Variants in ADAMTS19 observed in about 807,000 individuals in gnomAD.
ADAMTS19 encodes ADAM metallopeptidase with thrombospondin type 1 motif 19, also known as A disintegrin and metalloproteinase with thrombospondin motifs 19.
ADAMTS19 carries 93 observed loss-of-function variants against 153.3 expected under a neutral mutation model. That is an observed-to-expected ratio of 0.61 (90% confidence interval 0.51 to 0.72). ADAMTS19 has a LOEUF of 0.72. Among genes scored for constraint, ADAMTS19 ranks in the 30% least tolerant of loss-of-function variants. The pLI, the probability that ADAMTS19 is intolerant of heterozygous loss-of-function variation, is 0.00. For missense variants in ADAMTS19, 1,482 were observed against 1,552.1 expected, an observed-to-expected ratio of 0.95 and a Z score of 0.76; for synonymous variants, 600 against 556.6, an observed-to-expected ratio of 1.08 and a Z score of -1.10.
At chr5:129,639,943 G>C (rs373708418) in intron 10 of ADAMTS19, among the ~76,000 whole-genome samples, 9 of 152,090 alleles carry the variant, frequency 5.9e-5, no homozygotes, top group African/African-American at 1.4e-4. Context: ...AAAAACAATT[G>C]AACTCTTTGC....
chr5:129,513,548 C>A (rs1751504352), intron 3 of ADAMTS19, among the ~76,000 whole-genome samples: 1 of 151,834 alleles, frequency 6.6e-6, no homozygotes, highest in African/African-American at 2.4e-5. Flanking sequence ...TACCATGTGC[C>A]AGTTCATGTA....
intron 7 of ADAMTS19, among the ~76,000 whole-genome samples, chr5:129,594,915 A>C (rs1418914928): frequency 6.6e-6 from 1 of 152,110 alleles, no homozygotes; most frequent in Non-Finnish European, 1.5e-5. Flanking sequence ...AACTGGGCTT[A>C]TCATCTGTCT....
At chr5:129,485,227 A>G (rs114843902) in intron 2 of ADAMTS19, among the ~76,000 whole-genome samples, 5,997 of 152,276 alleles carry the variant, frequency 0.039, 160 homozygotes, top group Middle Eastern at 0.068. Context: ...AAATTTAGAA[A>G]TAAAACAATG....
At chr5:129,671,185 C>T (rs1027524652) in intron 16 of ADAMTS19, among the ~76,000 whole-genome samples, 3 of 152,006 alleles carry the variant, frequency 2.0e-5, no homozygotes, top group African/African-American at 2.4e-5. Flanking sequence ...GGAAAGAGAC[C>T]GGCTGCATAA....
At position 129,737,319 on chromosome 5, in the gene ADAMTS19, A is replaced by AT; in HGVS notation, c.*101_*102insT. 1 of 1,173,098 alleles carries AT rather than the reference A, an allele frequency of 8.5e-7. No individual in the cohort carries two copies. Among genetic ancestry groups the AT allele is most frequent in the Non-Finnish European group, 1.1e-6 (1 of 900,842 alleles). 72.7% of individuals were successfully genotyped at this position (1,173,098 alleles called of 1,614,324 possible). A position where few individuals can be genotyped will look rare whatever the true frequency, so the allele number is the denominator to read the frequency against. The stretch of plus-strand genomic sequence containing the variant: ...GACCAAATATTATCAGATTACATAT[A>AT]ATTTAATCAAATTAATTTATTTTTT... On this transcript the variant is annotated 3_prime_UTR_variant, in exon 23 of 23. Transcript: ENST00000274487.
chr5:129,552,364 A>G (rs1306412449), intron 7 of ADAMTS19, among the ~76,000 whole-genome samples: 1 of 151,884 alleles, frequency 6.6e-6, no homozygotes, highest in African/African-American at 2.4e-5. Flanking sequence ...ATTTTTCACC[A>G]TTTGTATTAG....
At chr5:129,703,741 A>G (rs1756017979) in intron 20 of ADAMTS19, among the ~76,000 whole-genome samples, 1 of 152,178 alleles carries the variant, frequency 6.6e-6, no homozygotes, top group African/African-American at 2.4e-5. Context: ...CAAAGAAAAA[A>G]AAATCTGAAT....
At chr5:129,484,616 A>G (rs1020381643) in intron 2 of ADAMTS19, among the ~76,000 whole-genome samples, 3 of 152,106 alleles carry the variant, frequency 2.0e-5, no homozygotes, top group African/African-American at 7.2e-5. Context: ...TGCAGTGTTT[A>G]TATAATTTTT....
chr5:129,460,342 C>A lies in ADAMTS19; in HGVS notation c.-50C>A, dbSNP rs1207559084. On this transcript the variant is annotated 5_prime_UTR_variant, in exon 1 of 23. Coordinates refer to ENST00000274487, the MANE Select transcript of ADAMTS19 (RefSeq NM_133638.6). The stretch of plus-strand genomic sequence containing the variant: ...GAGGCCGCTGCGCCCCGGAGTGGAT[C>A]GCGCTGGAGGCGTGCGCCGGGCGAG... 3 of 1,467,148 alleles carry A rather than the reference C, an allele frequency of 2.0e-6. No homozygotes were observed. Among genetic ancestry groups the A allele is most frequent in the African/African-American group, 1.4e-5 (1 of 70,414 alleles). The allele number at this position is 1,467,148 out of a possible 1,614,324, so 90.9% of individuals were successfully genotyped here. A position where few individuals can be genotyped will look rare whatever the true frequency, so the allele number is the denominator to read the frequency against.
At chr5:129,584,154 C>A (rs1003957366) in intron 7 of ADAMTS19, among the ~76,000 whole-genome samples, 1 of 152,136 alleles carries the variant, frequency 6.6e-6, no homozygotes, top group Non-Finnish European at 1.5e-5. Flanking sequence ...TCAGGCCCCT[C>A]TGCTGCAGGT....
chr5:129,568,095 G>C (rs1312194126), intron 7 of ADAMTS19, among the ~76,000 whole-genome samples: 1 of 152,090 alleles, frequency 6.6e-6, no homozygotes, highest in Non-Finnish European at 1.5e-5. Context: ...GAAAAACTAA[G>C]AGAATTCATA....
chr5:129,505,790 A>G (rs2126719143), intron 2 of ADAMTS19, among the ~76,000 whole-genome samples: 1 of 152,306 alleles, frequency 6.6e-6, no homozygotes, highest in Non-Finnish European at 1.5e-5. Context: ...CTATGAAGAT[A>G]GAAATAAATT....
intron 7 of ADAMTS19, among the ~76,000 whole-genome samples, chr5:129,556,141 ATATAGT>A (rs1191193616): frequency 1.3e-5 from 2 of 152,110 alleles, no homozygotes; most frequent in Non-Finnish European, 2.9e-5. Context: ...TTTCCTGTTG[ATATAGT>A]TATGTAGATG....
At chr5:129,580,034 C>T (rs181384452) in intron 7 of ADAMTS19, among the ~76,000 whole-genome samples, 1 of 152,220 alleles carries the variant, frequency 6.6e-6, no homozygotes, top group African/African-American at 2.4e-5. Flanking sequence ...GTCAGTATGG[C>T]CATTTTCACG....
rs368834160 is a variant in ADAMTS19 at position 129,601,671 on chromosome 5, G to A, written c.1478+5007G>A. 2.9e-4 allele frequency among the ~76,000 whole-genome samples: 44 copies of A among 152,270 alleles called. No individual in the cohort carries two copies. The East Asian group carries it at 6.8e-3, about 23-fold the overall frequency. ...AGGAGACACCAGGCTCAAGCTTCCA[G>A]TTGTTCTGTCCCAATGGAGTTGTGC... On this transcript the variant is annotated intron_variant, in intron 8 of 22. Coordinates refer to ENST00000274487, the MANE Select transcript of ADAMTS19 (RefSeq NM_133638.6).
At chr5:129,698,568 T>G (rs1293095113) in intron 19 of ADAMTS19, among the ~76,000 whole-genome samples, 1 of 152,222 alleles carries the variant, frequency 6.6e-6, no homozygotes, top group Non-Finnish European at 1.5e-5. Flanking sequence ...TAGAATACGT[T>G]TTATATTTTA....
intron 21 of ADAMTS19, among the ~76,000 whole-genome samples, chr5:129,707,056 A>G (rs1756193915): frequency 6.6e-6 from 1 of 152,236 alleles, no homozygotes; most frequent in East Asian, 1.9e-4. Context: ...TTAACAAAAC[A>G]GATTTGAACT....
chr5:129,685,374 G>GA (rs1232197786), intron 18 of ADAMTS19, among the ~76,000 whole-genome samples: 7 of 149,280 alleles, frequency 4.7e-5, no homozygotes, highest in Admixed American at 1.3e-4. Flanking sequence ...AACATAGCAG[G>GA]AAAAAAAAAC....
chr5:129,733,357 G>A (rs1210629639), intron 21 of ADAMTS19, among the ~76,000 whole-genome samples: 2 of 151,996 alleles, frequency 1.3e-5, no homozygotes, highest in African/African-American at 4.8e-5. Context: ...ATAATCAGCA[G>A]AGTATACAGA....
Sources: gnomAD v4.1 joint callset for allele counts (sites outside exome capture counted in the v4.1 genomes callset) on GRCh38, gnomAD v4.1.1 for gene constraint, MANE v1.5 for transcripts, NCBI Gene and HGNC (gene_info 2026-07-23, HGNC 2026-07-21) for gene names.